ORC4: variants seen among roughly 807,000 people sequenced by gnomAD.
ORC4 encodes the protein origin recognition complex, subunit 4 homolog.
ORC4 carries 55 observed loss-of-function variants against 63.9 expected under a neutral mutation model. The observed-to-expected ratio is 0.86, with a 90% CI of 0.69 to 1.08. The LOEUF is 1.08. Among genes scored for constraint, ORC4 ranks in the 50% least tolerant of loss-of-function variants. The pLI, the probability that ORC4 is intolerant of heterozygous loss-of-function variation, is 0.00. For missense variants in ORC4, 511 were observed against 504.4 expected, an observed-to-expected ratio of 1.01 and a Z score of -0.13; for synonymous variants, 150 against 168.5, an observed-to-expected ratio of 0.89 and a Z score of 0.85.
At chr2:147,954,663 G>A (rs1488685339) in intron 7 of ORC4, among the ~76,000 whole-genome samples, 1 of 152,062 alleles carries the variant, frequency 6.6e-6, no homozygotes, top group African/African-American at 2.4e-5. Flanking sequence ...AATATGAAAT[G>A]ACAAGCATCA....
intron 8 of ORC4, among the ~76,000 whole-genome samples, chr2:147,949,345 C>T (rs924333482): frequency 5.9e-5 from 9 of 152,002 alleles, no homozygotes; most frequent in African/African-American, 2.2e-4. Flanking sequence ...GCCAGTCACA[C>T]AAAACTATAC....
At chr2:147,988,566 C>T (rs543898941) in intron 1 of ORC4, among the ~76,000 whole-genome samples, 1 of 152,066 alleles carries the variant, frequency 6.6e-6, no homozygotes, top group Non-Finnish European at 1.5e-5. Context: ...ACCATGTTGG[C>T]CAGGCTGGTC....
At chr2:147,950,548 C>T (rs935343995) in intron 8 of ORC4, among the ~76,000 whole-genome samples, 1 of 151,888 alleles carries the variant, frequency 6.6e-6, no homozygotes, top group Admixed American at 6.6e-5. Flanking sequence ...GGGTAGATCA[C>T]GAGGTCAGGA....
At chr2:147,954,645 T>C (rs1311333031) in intron 7 of ORC4, among the ~76,000 whole-genome samples, 2 of 152,116 alleles carry the variant, frequency 1.3e-5, no homozygotes, top group African/African-American at 4.8e-5. Flanking sequence ...ATTTCAAAGG[T>C]CAATAAAAAT....
rs1687855686 is a variant in ORC4 at position 147,933,065 on chromosome 2, A to T, written c.*2445T>A. On this transcript the variant is annotated 3_prime_UTR_variant, in exon 14 of 14. Transcript: ENST00000392857. The stretch of plus-strand genomic sequence containing the variant: ...ACAAGAATTCCGTTTCTGCTGGGCC[A>T]CTTGGATCCCTTGGATTCAGATGTA... 2 of 152,046 alleles carry T rather than the reference A, an allele frequency of 1.3e-5. No individual in the cohort carries two copies. 9.4% of individuals were successfully genotyped at this position (152,046 alleles called of 1,614,324 possible).
chr2:148,009,130 C>T (rs1466771813), intron 1 of ORC4, among the ~76,000 whole-genome samples: 1 of 151,668 alleles, frequency 6.6e-6, no homozygotes, highest in Non-Finnish European at 1.5e-5. Context: ...ATTTGCTAAC[C>T]TCATAGTAAC....
At chr2:147,969,625 G>A (rs1690091925) in intron 4 of ORC4, among the ~76,000 whole-genome samples, 10 of 151,198 alleles carry the variant, frequency 6.6e-5, no homozygotes, top group Admixed American at 6.6e-4. Flanking sequence ...GCTGAGAGAG[G>A]GGGAAAAAAC....
intron 10 of ORC4, among the ~76,000 whole-genome samples, chr2:147,939,607 G>T (rs1688251207): frequency 6.6e-6 from 1 of 152,124 alleles, no homozygotes; most frequent in African/African-American, 2.4e-5. Flanking sequence ...CCAAAAGGCA[G>T]ATCTACGCCT....
intron 1 of ORC4, among the ~76,000 whole-genome samples, chr2:148,005,783 C>A (rs552031980): frequency 5.3e-4 from 81 of 151,662 alleles, no homozygotes; most frequent in South Asian, 1.3e-3. Context: ...CAAGACCAGT[C>A]TGGGCAACCT....
chr2:147,950,346 T>C (rs1688882440), intron 8 of ORC4, among the ~76,000 whole-genome samples: 1 of 151,924 alleles, frequency 6.6e-6, no homozygotes, highest in Non-Finnish European at 1.5e-5. Context: ...CAGGAACTAG[T>C]AAAAACAAAA....
intron 1 of ORC4, among the ~76,000 whole-genome samples, chr2:147,983,865 C>T (rs1691035464): frequency 6.6e-6 from 1 of 152,152 alleles, no homozygotes; most frequent in Non-Finnish European, 1.5e-5. Context: ...CAAGAGCTAA[C>T]AGATACCACA....
Position 147,932,158 on chromosome 2 carries a change from A to G in ORC4, c.*3352T>C, listed in dbSNP as rs1021314563. On this transcript the variant is annotated 3_prime_UTR_variant, in exon 14 of 14. Transcript: ENST00000392857. ...AAATCACAAGCATTCTTATACACCA[A>G]CAACAGACAAACAGAGAGCCAAATC... is the stretch of plus-strand genomic sequence containing the variant. The G allele has an allele frequency of 5.4e-4, 80 of 148,944 alleles. No individual in the cohort carries two copies. Among genetic ancestry groups the G allele is most frequent in the African/African-American group, 1.8e-3 (74 of 40,886 alleles). 9.2% of individuals were successfully genotyped at this position (148,944 alleles called of 1,614,324 possible).
chr2:147,971,287 A>C (rs921381731), intron 4 of ORC4, among the ~76,000 whole-genome samples: 1 of 151,892 alleles, frequency 6.6e-6, no homozygotes, highest in African/African-American at 2.4e-5. Context: ...TATTATTAAT[A>C]GTATGAAAAG....
At chr2:147,983,682 T>A (rs542108178) in intron 1 of ORC4, among the ~76,000 whole-genome samples, 1 of 152,288 alleles carries the variant, frequency 6.6e-6, no homozygotes, top group African/African-American at 2.4e-5. Context: ...GAAAAAGCCA[T>A]GAAAGCCAAC....
intron 9 of ORC4, among the ~76,000 whole-genome samples, chr2:147,943,768 C>A (rs958216357): frequency 6.6e-6 from 1 of 152,074 alleles, no homozygotes; most frequent in Non-Finnish European, 1.5e-5. Context: ...CCTGGCTAAC[C>A]CCAAATTCGT....
chr2:147,979,022 G>C (rs548816868), intron 1 of ORC4, among the ~76,000 whole-genome samples: 1 of 152,232 alleles, frequency 6.6e-6, no homozygotes. Flanking sequence ...AAGGTAAAAA[G>C]TTGGAAGCTT....
At chr2:148,016,727 A>G (rs572031260) in intron 1 of ORC4, among the ~76,000 whole-genome samples, 2 of 152,366 alleles carry the variant, frequency 1.3e-5, no homozygotes, top group South Asian at 4.1e-4. Context: ...TCTTGTCGGC[A>G]AAAATGTGTT....
chr2:148,006,646 G>A (rs186952701), intron 1 of ORC4, among the ~76,000 whole-genome samples: 1 of 152,278 alleles, frequency 6.6e-6, no homozygotes. Flanking sequence ...TTTTGCTCCG[G>A]GATGGCATTT....
intron 6 of ORC4, among the ~76,000 whole-genome samples, chr2:147,957,382 G>C (rs1689323251): frequency 6.6e-6 from 1 of 151,648 alleles, no homozygotes; most frequent in Non-Finnish European, 1.5e-5. Flanking sequence ...TCAGAAATTA[G>C]AGCGATGCCA....
Sources: allele counts gnomAD v4.1 joint callset (sites outside exome capture counted in the v4.1 genomes callset), GRCh38; gene constraint gnomAD v4.1.1; transcripts MANE v1.5; gene names NCBI Gene and HGNC (gene_info 2026-07-23, HGNC 2026-07-21).